Variants in COLQ observed in about 807,000 individuals in gnomAD.
COLQ encodes the protein collagen like tail subunit of asymmetric acetylcholinesterase.
Under a neutral mutation model 69.0 loss-of-function variants are expected in COLQ, and 48 were observed. That is an observed-to-expected ratio of 0.70 (90% CI 0.55 to 0.88). The LOEUF (loss-of-function observed/expected upper bound fraction) is 0.88. Ranked by LOEUF, COLQ falls within the 40% of genes least tolerant of loss-of-function variation. The pLI is 0.00. For synonymous variants in COLQ, 217 were observed against 211.2 expected (o/e 1.03, Z -0.24); for missense variants, 618 against 594.6 (o/e 1.04, Z -0.41).
chr3:15,477,290 G>T, intron 5 of COLQ, 93 bp from the exon 6 acceptor site: 1 of 1,150,162 alleles, frequency 8.7e-7, no homozygotes, highest in Non-Finnish European at 1.3e-6. Context: ...AGGAGACAGT[G>T]GGTTCTCTAG....
intron 12 of COLQ, among the ~76,000 whole-genome samples, chr3:15,460,471 G>A (rs2062095691): frequency 6.6e-6 from 1 of 152,194 alleles, no homozygotes; most frequent in African/African-American, 2.4e-5. Context: ...CCAGTCATTG[G>A]TGTCAGGCAG....
At chr3:15,516,625 G>A (rs2063066850) in intron 1 of COLQ, among the ~76,000 whole-genome samples, 1 of 152,204 alleles carries the variant, frequency 6.6e-6, no homozygotes, top group Admixed American at 6.5e-5. Context: ...GGGAAGGCTT[G>A]TGAAGTGGAT....
At chr3:15,494,623 C>T (rs918835208) in intron 1 of COLQ, among the ~76,000 whole-genome samples, 5 of 152,122 alleles carry the variant, frequency 3.3e-5, no homozygotes, top group African/African-American at 1.2e-4. Context: ...TGCCCTCCCA[C>T]AAGCAGCCTC....
chr3:15,519,116 T>C (rs977778389), intron 1 of COLQ, among the ~76,000 whole-genome samples: 4 of 152,168 alleles, frequency 2.6e-5, no homozygotes, highest in African/African-American at 4.8e-5. Context: ...CAAAGCCAAG[T>C]GACCACCGGA....
intron 1 of COLQ, among the ~76,000 whole-genome samples, chr3:15,495,770 A>G (rs1488111762): frequency 6.6e-6 from 1 of 152,206 alleles, no homozygotes; most frequent in Non-Finnish European, 1.5e-5. Context: ...ATGCCAATGT[A>G]TTCCTCCTCA....
At chr3:15,454,454 A>C (rs2061996858) in intron 15 of COLQ, among the ~76,000 whole-genome samples, 1 of 152,114 alleles carries the variant, frequency 6.6e-6, no homozygotes, top group South Asian at 2.1e-4. Flanking sequence ...TTCACAGGGC[A>C]GGGACAGTCC....
At chr3:15,478,896 G>C in intron 5 of COLQ, 81 bp downstream of exon 5, 1 of 1,554,614 alleles carries the variant, frequency 6.4e-7, no homozygotes, top group South Asian at 1.1e-5. Context: ...GTGCATTGCT[G>C]TTCCCCCCTC....
At chr3:15,481,364 T>C (rs1206769275) in intron 3 of COLQ, among the ~76,000 whole-genome samples, 4 of 152,260 alleles carry the variant, frequency 2.6e-5, no homozygotes, top group Non-Finnish European at 2.9e-5. Flanking sequence ...TTAATCCATC[T>C]TGAATTAATA....
Position 15,469,122 on chromosome 3 carries a change from G to T in COLQ, c.717+1414C>A, listed in dbSNP as rs2062243889. ...AACACCGAGGGTTTGCAGCACCCTC[G>T]GGTTGTTCACAATGTCTTGTCGAAA... On this transcript the variant is annotated intron_variant, in intron 11 of 16. Transcript: ENST00000383788. Among the ~76,000 whole-genome samples, 4 of 152,138 alleles carry T rather than the reference G, an allele frequency of 2.6e-5. No individual in the cohort carries two copies. In the South Asian group the frequency reaches 8.3e-4, roughly 32 times the overall value.
chr3:15,519,894 A>G (rs1311776385), intron 1 of COLQ, among the ~76,000 whole-genome samples: 1 of 152,246 alleles, frequency 6.6e-6, no homozygotes, highest in Non-Finnish European at 1.5e-5. Context: ...TCATTCATTC[A>G]TCAAATATTT....
intron 1 of COLQ, among the ~76,000 whole-genome samples, chr3:15,521,282 C>T (rs1030918191): frequency 6.6e-6 from 1 of 152,152 alleles, no homozygotes; most frequent in African/African-American, 2.4e-5. Context: ...AGGCAGAAAC[C>T]ATTTTTCAAA....
chr3:15,500,788 T>A (rs1212185169), intron 1 of COLQ, among the ~76,000 whole-genome samples: 1 of 152,192 alleles, frequency 6.6e-6, no homozygotes, highest in Non-Finnish European at 1.5e-5. Context: ...TAAGTCAAAT[T>A]TCTGGATGTA....
chr3:15,492,575 G>C (rs1291098870), intron 1 of COLQ, among the ~76,000 whole-genome samples: 1 of 152,054 alleles, frequency 6.6e-6, no homozygotes, highest in South Asian at 2.1e-4. Flanking sequence ...GCTGAGGTGG[G>C]AGAATGGCGT....
intron 1 of COLQ, among the ~76,000 whole-genome samples, chr3:15,503,052 C>G (rs540760714): frequency 6.6e-6 from 1 of 152,186 alleles, no homozygotes; most frequent in Non-Finnish European, 1.5e-5. Context: ...TTGCACACAG[C>G]CCTAGGAGGA....
chr3:15,504,351 G>T (rs2062874422), intron 1 of COLQ, among the ~76,000 whole-genome samples: 1 of 152,150 alleles, frequency 6.6e-6, no homozygotes, highest in South Asian at 2.1e-4. Context: ...AGGTGTGGCT[G>T]GTTTGTTTTC....
intron 1 of COLQ, among the ~76,000 whole-genome samples, chr3:15,521,139 C>T (rs1450144752): frequency 6.6e-6 from 1 of 152,298 alleles, no homozygotes; most frequent in Non-Finnish European, 1.5e-5. Context: ...AAGCCCCCTT[C>T]GAAGAGGTCA....
rs532705397 is a variant in COLQ at position 15,486,312 on chromosome 3, A to T, written c.321+1894T>A. Among the ~76,000 whole-genome samples the T allele has an allele frequency of 9.2e-5, 14 of 152,262 alleles. No homozygotes were observed. The South Asian group carries it at 2.3e-3, about 25-fold the overall frequency. ...TAGAATGCAGATTCTGATAGAATGA[A>T]TTTGTCAGGGGGATGACATTCTGCA... is the stretch of plus-strand genomic sequence containing the variant. On this transcript the variant is annotated intron_variant, in intron 3 of 16. Transcript: ENST00000383788.
At chr3:15,478,655 T>G (rs890224600) in intron 5 of COLQ, 14 of 484,030 alleles carry the variant, frequency 2.9e-5, no homozygotes, top group African/African-American at 1.9e-4. Context: ...TGGTTGGAGC[T>G]ATGAAGGGTT....
chr3:15,494,406 GCAGGGTACC>G (rs905586217), intron 1 of COLQ, among the ~76,000 whole-genome samples: 60 of 152,188 alleles, frequency 3.9e-4, no homozygotes, highest in African/African-American at 1.4e-3. Flanking sequence ...TTTTGAAGTT[GCAGGGTACC>G]CAGGGCAACA....
Sources: allele counts gnomAD v4.1 joint callset (sites outside exome capture counted in the v4.1 genomes callset), GRCh38; gene constraint gnomAD v4.1.1; transcripts MANE v1.5; gene names NCBI Gene and HGNC (gene_info 2026-07-23, HGNC 2026-07-21).